KRTAP22-1: variants seen among roughly 807,000 people sequenced by gnomAD.
KRTAP22-1 encodes the protein keratin associated protein 22-1.
For synonymous variants in KRTAP22-1, 19 were observed against 21.5 expected, an observed-to-expected ratio of 0.88 and a Z score of 0.33; for missense variants, 48 against 56.7, an observed-to-expected ratio of 0.85 and a Z score of 0.49.
Position 30,601,197 on chromosome 21 carries a change from T to A in KRTAP22-1, c.77T>A (p.Leu26His), listed in dbSNP as rs198915. ...CTGGGCTGCAGCTATGGCTGTGGTC[T>A]TAGCGGCTATGGCTATGCCTGCTAC... The part of the protein sequence containing the change: ...GGLGCSYGCG[L>H]SGYGYACYCP... The change falls in exon 1 of 1, where the codon CTT (leucine) becomes CAT (histidine). Residue 26 changes from leucine to histidine, a missense_variant. Leu to His is a moderately conservative substitution (Grantham distance 99). Transcript: ENST00000334680. 1,436,228 of 1,614,056 alleles carry A rather than the reference T, an allele frequency of 0.89. 641,067 individuals are homozygous for A. The highest frequency in any genetic ancestry group is 0.95 in the Admixed American group (56,766 of 60,030).
Position 30,601,328 on chromosome 21 carries a change from G to GT in KRTAP22-1, c.*68dup, listed in dbSNP as rs1401138185. The GT allele has an allele frequency of 5.0e-5, 76 of 1,508,282 alleles. No homozygotes were observed. Among genetic ancestry groups the GT allele is most frequent in the Non-Finnish European group, 6.4e-5 (71 of 1,115,218 alleles). 93.4% of individuals were successfully genotyped at this position (1,508,282 alleles called of 1,614,324 possible). On this transcript the variant is annotated 3_prime_UTR_variant, in exon 1 of 1. Coordinates refer to ENST00000334680, the MANE Select transcript of KRTAP22-1 (RefSeq NM_181620.2). Reference sequence around the variant, plus strand: ...CTTATGAGCTATGTTTTCTTCCCGTGTTTTTTTCTGTTCAAAGAGTGACAA... The same window carrying GT: ...CTTATGAGCTATGTTTTCTTCCCGTGTTTTTTTTCTGTTCAAAGAGTGACAA...
Position 30,601,137 on chromosome 21 carries a change from A to G in KRTAP22-1, c.17A>G (p.Asn6Ser), listed in dbSNP as rs780008374. 5.0e-6 allele frequency: 8 copies of G among 1,614,094 alleles called. No individual in the cohort carries two copies. Among genetic ancestry groups the G allele is most frequent in the Non-Finnish European group, 6.8e-6 (8 of 1,180,024 alleles). The change falls in exon 1 of 1, where the codon AAC becomes AGC. Residue 6 changes from asparagine to serine, a missense_variant. Physicochemically the swap from Asn to Ser is conservative, Grantham distance 46. Transcript: ENST00000334680. ...CTTGAAACCATGAGCTTTGATAACA[A>G]CTACCATGGTGGCCAGGGCTATGCC... MSFDN[N>S]YHGGQGYAKG...
At position 30,601,273 on chromosome 21, in the gene KRTAP22-1, TAG is replaced by T. The variant is rs752941141; in HGVS notation, c.*10_*11del. ...GGTTTTCTGGCTGCTTCTGAGAAAT[TAG>T]AGATTGCTGATCTGTTTAGGCCATT... On this transcript the variant is annotated 3_prime_UTR_variant, in exon 1 of 1. Coordinates refer to ENST00000334680, the MANE Select transcript of KRTAP22-1 (RefSeq NM_181620.2). 4.3e-6 allele frequency: 7 copies of T among 1,613,716 alleles called. No homozygotes were observed. The East Asian group carries it at 1.6e-4, about 36-fold the overall frequency.
rs1980339106 is a variant in KRTAP22-1 at position 30,601,256 on chromosome 21, G to C, written c.136G>C (p.Gly46Arg). 6.2e-7 allele frequency: 1 copy of C among 1,613,908 alleles called. No homozygotes were observed. Among genetic ancestry groups the C allele is most frequent in the Non-Finnish European group, 8.5e-7 (1 of 1,179,870 alleles). The change falls in exon 1 of 1, where the codon GGC becomes CGC. Residue 46 changes from glycine (G) to arginine (R), a missense_variant. Physicochemically the swap from Gly to Arg is moderately radical, Grantham distance 125. Transcript: ENST00000334680. ...GTGTTATGAAAGATCTTGGTTTTCTGGCTGCTTCTGAGAAATTAGAGATTG... is the reference window on the plus strand; with the variant it reads ...GTGTTATGAAAGATCTTGGTTTTCTCGCTGCTTCTGAGAAATTAGAGATTG... ...PWCYERSWFS[G>R]CF
In KRTAP22-1 at chr21:30,601,129, T is replaced by C. The variant is rs758106586; in HGVS notation, c.9T>C (p.Phe3=). The change falls in exon 1 of 1, where the codon TTT becomes TTC. Residue 3 remains phenylalanine, a synonymous_variant. Transcript: ENST00000334680. The stretch of plus-strand genomic sequence containing the variant: ...CTACCTTTCTTGAAACCATGAGCTT[T>C]GATAACAACTACCATGGTGGCCAGG... MS[F]DNNYHGGQGY... The C allele has an allele frequency of 5.0e-6, 8 of 1,614,086 alleles. No homozygotes were observed. In the African/African-American group the frequency reaches 1.1e-4, roughly 22 times the overall value.
At position 30,601,209 on chromosome 21, in the gene KRTAP22-1, G is replaced by A. The variant is rs1179255451; in HGVS notation, c.89G>A (p.Gly30Asp). 6.2e-7 allele frequency: 1 copy of A among 1,614,024 alleles called. No homozygotes were observed. The highest frequency in any genetic ancestry group is 1.3e-5 in the African/African-American group (1 of 74,922). ...TATGGCTGTGGTCTTAGCGGCTATG[G>A]CTATGCCTGCTACTGCCCATGGTGT... ...CSYGCGLSGYGYACYCPWCYE... is the reference protein window; with the variant it reads ...CSYGCGLSGYDYACYCPWCYE... The change falls in exon 1 of 1, where the codon GGC becomes GAC. Residue 30 changes from glycine to aspartate, a missense_variant. By Grantham distance (94) the Gly-to-Asp change is moderately conservative. Coordinates refer to ENST00000334680, the MANE Select transcript of KRTAP22-1 (RefSeq NM_181620.2).
In KRTAP22-1 at chr21:30,601,321, T is replaced by C; in HGVS notation, c.*54T>C. ...CCATTCTCTTATGAGCTATGTTTTCTTCCCGTGTTTTTTTCTGTTCAAAGA... is the reference window on the plus strand; with the variant it reads ...CCATTCTCTTATGAGCTATGTTTTCCTCCCGTGTTTTTTTCTGTTCAAAGA... On this transcript the variant is annotated 3_prime_UTR_variant, in exon 1 of 1. Transcript: ENST00000334680. 1 of 1,501,326 alleles carries C rather than the reference T, an allele frequency of 6.7e-7. No individual in the cohort carries two copies. The highest frequency in any genetic ancestry group is 9.0e-7 in the Non-Finnish European group (1 of 1,107,140). 93.0% of individuals were successfully genotyped at this position (1,501,326 alleles called of 1,614,324 possible).
chr21:30,601,193 G>A lies in KRTAP22-1; in HGVS notation c.73G>A (p.Gly25Ser), dbSNP rs1601082334. 1 of 1,613,858 alleles carries A rather than the reference G, an allele frequency of 6.2e-7. No individual in the cohort carries two copies. The highest frequency in any genetic ancestry group is 8.5e-7 in the Non-Finnish European group (1 of 1,179,716). ...KGGLGCSYGCGLSGYGYACYC... is the reference protein window; with the variant it reads ...KGGLGCSYGCSLSGYGYACYC... ...AGGCCTGGGCTGCAGCTATGGCTGT[G>A]GTCTTAGCGGCTATGGCTATGCCTG... is the stretch of plus-strand genomic sequence containing the variant. Residue 25 changes from glycine to serine, a missense_variant, in exon 1 of 1, where the codon GGT becomes AGT. Coordinates refer to ENST00000334680, the MANE Select transcript of KRTAP22-1 (RefSeq NM_181620.2).
In KRTAP22-1 at chr21:30,601,264, C is replaced by T; in HGVS notation, c.144C>T (p.Phe48=). The stretch of plus-strand genomic sequence containing the variant: ...AAAGATCTTGGTTTTCTGGCTGCTT[C>T]TGAGAAATTAGAGATTGCTGATCTG... ...CYERSWFSGC[F] is the part of the protein sequence containing the mutation. Residue 48 remains phenylalanine (F), a synonymous_variant, in exon 1 of 1, where the codon TTC becomes TTT. Transcript: ENST00000334680. 1 of 1,613,926 alleles carries T rather than the reference C, an allele frequency of 6.2e-7. No homozygotes were observed. Among genetic ancestry groups the T allele is most frequent in the Non-Finnish European group, 8.5e-7 (1 of 1,179,858 alleles).
Position 30,601,182 on chromosome 21 carries a change from G to C in KRTAP22-1, c.62G>C (p.Ser21Thr). 3 of 1,614,168 alleles carry C rather than the reference G, an allele frequency of 1.9e-6. No individual in the cohort carries two copies. Among genetic ancestry groups the C allele is most frequent in the African/African-American group, 1.3e-5 (1 of 75,060 alleles). The stretch of plus-strand genomic sequence containing the variant: ...TATGCCAAAGGAGGCCTGGGCTGCA[G>C]CTATGGCTGTGGTCTTAGCGGCTAT... ...QGYAKGGLGC[S>T]YGCGLSGYGY... is the part of the protein sequence containing the mutation. Residue 21 changes from serine to threonine, a missense_variant, in exon 1 of 1, where the codon AGC becomes ACC. Transcript: ENST00000334680.
Position 30,601,377 on chromosome 21 carries a change from A to G in KRTAP22-1, c.*110A>G. The G allele has an allele frequency of 1.8e-6, 2 of 1,118,116 alleles. No homozygotes were observed. Among genetic ancestry groups the G allele is most frequent in the Non-Finnish European group, 2.6e-6 (2 of 782,630 alleles). 69.3% of individuals were successfully genotyped at this position (1,118,116 alleles called of 1,614,324 possible). ...AACTAAAATTTAGCCCACATTGCCA[A>G]GTCAGAATTTATTTGATCAATTAGC... On this transcript the variant is annotated 3_prime_UTR_variant, in exon 1 of 1. Coordinates refer to ENST00000334680, the MANE Select transcript of KRTAP22-1 (RefSeq NM_181620.2).
Position 30,601,334 on chromosome 21 carries a change from T to TATAATAA in KRTAP22-1, c.*67_*68insATAATAA. On this transcript the variant is annotated 3_prime_UTR_variant, in exon 1 of 1. Transcript: ENST00000334680. ...AGCTATGTTTTCTTCCCGTGTTTTT[T>TATAATAA]TCTGTTCAAAGAGTGACAACTAAAA... 6.0e-6 allele frequency: 9 copies of TATAATAA among 1,511,322 alleles called. No homozygotes were observed. The highest frequency in any genetic ancestry group is 1.3e-5 in the South Asian group (1 of 78,784). The allele number at this position is 1,511,322 out of a possible 1,614,324, so 93.6% of individuals were successfully genotyped here.
chr21:30,601,090 C>T lies in KRTAP22-1; in HGVS notation c.-31C>T. 6.2e-7 allele frequency: 1 copy of T among 1,612,070 alleles called. No homozygotes were observed. The highest frequency in any genetic ancestry group is 8.5e-7 in the Non-Finnish European group (1 of 1,178,118). On this transcript the variant is annotated 5_prime_UTR_variant, in exon 1 of 1. Coordinates refer to ENST00000334680, the MANE Select transcript of KRTAP22-1 (RefSeq NM_181620.2). ...CTTAAAACTCTAGAATCTGATCCTG[C>T]TATACAACTGAGCCTACCTTTCTTG...
rs1980343689 is a variant in KRTAP22-1, at chr21:30,601,368, A to T, written c.*101A>T. 2 of 1,183,350 alleles carry T rather than the reference A, an allele frequency of 1.7e-6. No individual in the cohort carries two copies. Among genetic ancestry groups the T allele is most frequent in the Non-Finnish European group, 2.4e-6 (2 of 839,630 alleles). 73.3% of individuals were successfully genotyped at this position (1,183,350 alleles called of 1,614,324 possible). The stretch of plus-strand genomic sequence containing the variant: ...AAGAGTGACAACTAAAATTTAGCCC[A>T]CATTGCCAAGTCAGAATTTATTTGA... On this transcript the variant is annotated 3_prime_UTR_variant, in exon 1 of 1. Transcript: ENST00000334680.
At position 30,601,334 on chromosome 21, in the gene KRTAP22-1, T is replaced by A; in HGVS notation, c.*67T>A. The A allele has an allele frequency of 2.6e-6, 4 of 1,511,320 alleles. No individual in the cohort carries two copies. Among genetic ancestry groups the A allele is most frequent in the Admixed American group, 2.1e-5 (1 of 48,242 alleles). 93.6% of individuals were successfully genotyped at this position (1,511,320 alleles called of 1,614,324 possible). A position where few individuals can be genotyped will look rare whatever the true frequency, so the allele number is the denominator to read the frequency against. ...AGCTATGTTTTCTTCCCGTGTTTTT[T>A]TCTGTTCAAAGAGTGACAACTAAAA... On this transcript the variant is annotated 3_prime_UTR_variant, in exon 1 of 1. Transcript: ENST00000334680.
Position 30,601,089 on chromosome 21 carries a change from G to A in KRTAP22-1, c.-32G>A, listed in dbSNP as rs367870328. The A allele has an allele frequency of 3.1e-6, 5 of 1,612,072 alleles. No individual in the cohort carries two copies. The African/African-American group carries it at 5.3e-5, about 17-fold the overall frequency. The stretch of plus-strand genomic sequence containing the variant: ...ACTTAAAACTCTAGAATCTGATCCT[G>A]CTATACAACTGAGCCTACCTTTCTT... On this transcript the variant is annotated 5_prime_UTR_variant, in exon 1 of 1. Transcript: ENST00000334680.
chr21:30,601,120 C>T lies in KRTAP22-1; in HGVS notation c.-1C>T. On this transcript the variant is annotated 5_prime_UTR_variant, in exon 1 of 1. Coordinates refer to ENST00000334680, the MANE Select transcript of KRTAP22-1 (RefSeq NM_181620.2). ...CAACTGAGCCTACCTTTCTTGAAAC[C>T]ATGAGCTTTGATAACAACTACCATG... 6.2e-7 allele frequency: 1 copy of T among 1,614,120 alleles called. No individual in the cohort carries two copies. Among genetic ancestry groups the T allele is most frequent in the Non-Finnish European group, 8.5e-7 (1 of 1,179,978 alleles).
rs1355545939 is a variant in KRTAP22-1 at position 30,601,153 on chromosome 21, G to C, written c.33G>C (p.Gln11His). Residue 11 changes from glutamine to histidine, a missense_variant, in exon 1 of 1, where the codon CAG (glutamine) becomes CAC (histidine). Coordinates refer to ENST00000334680, the MANE Select transcript of KRTAP22-1 (RefSeq NM_181620.2). MSFDNNYHGG[Q>H]GYAKGGLGCS... ...TTGATAACAACTACCATGGTGGCCAGGGCTATGCCAAAGGAGGCCTGGGCT... is the reference window on the plus strand; with the variant it reads ...TTGATAACAACTACCATGGTGGCCACGGCTATGCCAAAGGAGGCCTGGGCT... 1 of 1,614,212 alleles carries C rather than the reference G, an allele frequency of 6.2e-7. No individual in the cohort carries two copies. Among genetic ancestry groups the C allele is most frequent in the East Asian group, 2.2e-5 (1 of 44,880 alleles).
Position 30,601,326 on chromosome 21 carries a change from G to GTGTTATTTATAATAATTA in KRTAP22-1, c.*63_*64insATTTATAATAATTATGTT. The GTGTTATTTATAATAATTA allele has an allele frequency of 6.7e-7, 1 of 1,492,090 alleles. No homozygotes were observed. Among genetic ancestry groups the GTGTTATTTATAATAATTA allele is most frequent in the Non-Finnish European group, 9.1e-7 (1 of 1,102,296 alleles). 92.4% of individuals were successfully genotyped at this position (1,492,090 alleles called of 1,614,324 possible). On this transcript the variant is annotated 3_prime_UTR_variant, in exon 1 of 1. Transcript: ENST00000334680. ...CTCTTATGAGCTATGTTTTCTTCCCGTGTTTTTTTCTGTTCAAAGAGTGAC... is the reference window on the plus strand; with the variant it reads ...CTCTTATGAGCTATGTTTTCTTCCCGTGTTATTTATAATAATTATGTTTTTTTCTGTTCAAAGAGTGAC...
Sources: gnomAD v4.1 joint callset for allele counts on GRCh38, gnomAD v4.1.1 for gene constraint, MANE v1.5 for transcripts, NCBI Gene and HGNC (gene_info 2026-07-23, HGNC 2026-07-21) for gene names.